The following LPIN2 variants were observed in gnomAD, a reference collection of about 807,000 sequenced individuals.
LPIN2 encodes the protein phosphatidate phosphatase LPIN2.
A neutral mutation model predicts 111.4 loss-of-function variants in LPIN2; 55 were observed. That is an observed-to-expected ratio of 0.49 (90% CI 0.40 to 0.62). LPIN2 has a LOEUF of 0.62. Ranked by LOEUF, LPIN2 falls within the 20% of genes least tolerant of loss-of-function variation. The pLI is 0.00. For synonymous variants in LPIN2, 425 were observed against 414.0 expected (o/e 1.03, Z -0.32); for missense variants, 992 against 1,112.1 (o/e 0.89, Z 1.54).
At chr18:2,991,763 G>A (rs1219375345) in intron 1 of LPIN2, among the ~76,000 whole-genome samples, 1 of 152,068 alleles carries the variant, frequency 6.6e-6, no homozygotes, top group South Asian at 2.1e-4. Flanking sequence ...TATAATCTCA[G>A]CACTTTGGGA....
intron 1 of LPIN2, among the ~76,000 whole-genome samples, chr18:2,978,554 T>G (rs1320290043): frequency 6.6e-6 from 1 of 152,208 alleles, no homozygotes; most frequent in Non-Finnish European, 1.5e-5. Flanking sequence ...ACTAAAGAAC[T>G]GTCACGATTG....
intron 1 of LPIN2, chr18:2,982,637 G>C: frequency 9.3e-7 from 1 of 1,080,620 alleles, no homozygotes; most frequent in Non-Finnish European, 1.3e-6. Context: ...AAGCAGCGAA[G>C]GGAGCAGGGA....
chr18:2,945,187 C>G (rs1482389286), intron 4 of LPIN2, among the ~76,000 whole-genome samples: 1 of 152,094 alleles, frequency 6.6e-6, no homozygotes, highest in Non-Finnish European at 1.5e-5. Context: ...ATTAGCTTTA[C>G]TAATTATGGA....
Position 2,925,249 on chromosome 18 carries a change from G to A in LPIN2, c.1913C>T (p.Ser638Phe). Residue 638 changes from serine to phenylalanine, a missense_variant, in exon 14 of 20, where the codon TCT becomes TTT. By Grantham distance (155) the Ser-to-Phe change is radical. Around this residue, in one of 4 missense-constraint regions of LPIN2, gnomAD observed 709 missense variants for 753.2 expected, o/e 0.94. Coordinates refer to ENST00000677752, the MANE Select transcript of LPIN2 (RefSeq NM_001375808.2). This position sits in a 1 kb window ranked among gnomAD's most constrained non-coding sequence, Gnocchi z 4.1. ...GATCTGGTCTGAGGAGAGGCGGAGA[G>A]ACTTCTTATATGAAGTTGTGCTGCC... ...SHGSTTSYKK[S>F]LRLSSDQIAK... The A allele has an allele frequency of 6.2e-7, 1 of 1,614,220 alleles. No homozygotes were observed. Among genetic ancestry groups the A allele is most frequent in the Non-Finnish European group, 8.5e-7 (1 of 1,180,040 alleles).
intron 1 of LPIN2, among the ~76,000 whole-genome samples, chr18:3,012,186 A>T (rs2078615706): frequency 6.8e-6 from 1 of 148,096 alleles, no homozygotes; most frequent in Non-Finnish European, 1.5e-5. Flanking sequence ...GTTTTCAATT[A>T]AAAAAAAAAT....
chr18:2,931,111 G>A (rs2077206857), intron 9 of LPIN2, 145 bp downstream of exon 9: 3 of 955,844 alleles, frequency 3.1e-6, no homozygotes, highest in East Asian at 5.3e-5. Flanking sequence ...AGGGTATAAG[G>A]GTCTGACATT....
intron 2 of LPIN2, among the ~76,000 whole-genome samples, chr18:2,960,106 G>A (rs987544551): frequency 4.6e-5 from 7 of 151,942 alleles, no homozygotes; most frequent in Middle Eastern, 3.4e-3. Flanking sequence ...GGAGGCGGAG[G>A]TTGCAGTGAG....
intron 18 of LPIN2, chr18:2,921,092 G>C (rs2077047202): frequency 1.6e-6 from 1 of 616,138 alleles, no homozygotes; most frequent in South Asian, 1.8e-5. Context: ...CAGCCACCAA[G>C]GGGAAGCCAG....
intron 3 of LPIN2, among the ~76,000 whole-genome samples, chr18:2,952,038 G>A (rs564692266): frequency 3.9e-5 from 6 of 152,252 alleles, no homozygotes; most frequent in Admixed American, 1.3e-4. Flanking sequence ...CTAAATAAAC[G>A]ATCAAGTCTG....
At chr18:2,939,040 A>C (rs1268217407) in intron 6 of LPIN2, among the ~76,000 whole-genome samples, 1 of 152,174 alleles carries the variant, frequency 6.6e-6, no homozygotes, top group Non-Finnish European at 1.5e-5. Context: ...ACACACCTGC[A>C]GTCTCAGCTA....
rs952891924 is a variant in LPIN2, at chr18:3,001,825, A to G, written c.-10+11262T>C. 7.2e-5 allele frequency among the ~76,000 whole-genome samples: 11 copies of G among 152,358 alleles called. No homozygotes were observed. The East Asian group carries it at 1.9e-3, about 27-fold the overall frequency. ...ATACTTAAGATTTTAAAAGATAAAT[A>G]GAACTATTATGTGATATAGCCTAAT... On this transcript the variant is annotated intron_variant, in intron 1 of 19. Coordinates refer to ENST00000677752, the MANE Select transcript of LPIN2 (RefSeq NM_001375808.2).
rs1315347387 is a variant in LPIN2 at position 2,939,599 on chromosome 18, A to C, written c.703T>G (p.Tyr235Asp). ...CTCTTAGGACACGCTGTCTGGGGATAGGTGCTGCAAAGAGAACAAAGACAC... is the reference window on the plus strand; with the variant it reads ...CTCTTAGGACACGCTGTCTGGGGATCGGTGCTGCAAAGAGAACAAAGACAC... ...DGDWSPLETTYPQTACPKSDS... is the reference protein window; with the variant it reads ...DGDWSPLETTDPQTACPKSDS... The change falls in exon 6 of 20, where the codon TAT (tyrosine) becomes GAT (aspartate). Residue 235 changes from tyrosine to aspartate, a missense_variant. By Grantham distance (160) the Tyr-to-Asp change is radical. Transcript: ENST00000677752. 2 of 1,613,304 alleles carry C rather than the reference A, an allele frequency of 1.2e-6. No individual in the cohort carries two copies. The highest frequency in any genetic ancestry group is 1.7e-6 in the Non-Finnish European group (2 of 1,179,702).
At chr18:2,965,731 CAA>C (rs35530040) in intron 1 of LPIN2, among the ~76,000 whole-genome samples, 1 of 103,238 alleles carries the variant, frequency 9.7e-6, no homozygotes, top group African/African-American at 3.9e-5. Context: ...CTCCCAATCT[CAA>C]AAAAAAAAAA....
chr18:2,951,380 A>G, intron 3 of LPIN2, 24 bp from the exon 4 acceptor site: 1 of 1,601,404 alleles, frequency 6.2e-7, no homozygotes, highest in Non-Finnish European at 8.6e-7. Context: ...GAGAAAGAAA[A>G]GTTATCCATG....
chr18:2,990,793 AG>A (rs1366594095), intron 1 of LPIN2: 1 of 385,150 alleles, frequency 2.6e-6, no homozygotes, highest in African/African-American at 2.1e-5. Context: ...TGACAAAATA[AG>A]GGTTGCACTT....
intron 1 of LPIN2, among the ~76,000 whole-genome samples, chr18:2,996,877 T>G (rs1027652117): frequency 1.3e-5 from 2 of 152,240 alleles, no homozygotes; most frequent in African/African-American, 2.4e-5. Context: ...ACAAAGGCCT[T>G]GCCAATGGCA....
At chr18:2,968,688 G>C (rs2077850409) in intron 1 of LPIN2, among the ~76,000 whole-genome samples, 1 of 152,120 alleles carries the variant, frequency 6.6e-6, no homozygotes, top group Admixed American at 6.5e-5. Flanking sequence ...TTCCCAGTGG[G>C]CAGTCCCAGG....
At chr18:2,948,890 T>G (rs2077494968) in intron 4 of LPIN2, among the ~76,000 whole-genome samples, 1 of 152,122 alleles carries the variant, frequency 6.6e-6, no homozygotes, top group Non-Finnish European at 1.5e-5. Flanking sequence ...CTTGGCTCAC[T>G]GTAACCTCCG....
In LPIN2 at chr18:2,918,629, C is replaced by T. The variant is rs1445116955; in HGVS notation, c.*1664G>A. On this transcript the variant is annotated 3_prime_UTR_variant, in exon 20 of 20. Coordinates refer to ENST00000677752, the MANE Select transcript of LPIN2 (RefSeq NM_001375808.2). ...GCATGGGAGAAGGCTCATGTGGTCC[C>T]TTCTCTGGGAACATGAGCCTTCCTA... 5 of 152,156 alleles carry T rather than the reference C, an allele frequency of 3.3e-5. No individual in the cohort carries two copies. Among genetic ancestry groups the T allele is most frequent in the African/African-American group, 1.2e-4 (5 of 41,428 alleles). 9.4% of individuals were successfully genotyped at this position (152,156 alleles called of 1,614,324 possible).
Sources: allele counts gnomAD v4.1 joint callset (sites outside exome capture counted in the v4.1 genomes callset), GRCh38; gene constraint gnomAD v4.1.1; regional missense constraint gnomAD v4.1.1; non-coding constraint Gnocchi (gnomAD v3.1); transcripts MANE v1.5; gene names NCBI Gene and HGNC (gene_info 2026-07-23, HGNC 2026-07-21).